UGGT2: variants seen among roughly 807,000 people sequenced by gnomAD.
The protein encoded by UGGT2 is UDP-glucose:glycoprotein glucosyltransferase 2.
In UGGT2, 180 loss-of-function variants were observed where a neutral mutation model predicts 192.1. The ratio of observed to expected loss-of-function variants is 0.94; its 90% CI spans 0.83 to 1.06. The LOEUF (loss-of-function observed/expected upper bound fraction) is 1.06. UGGT2 is among the 50% of genes least tolerant of loss of function. The pLI is 0.00. For missense variants in UGGT2, 1,849 were observed against 1,795.7 expected, an observed-to-expected ratio of 1.03 and a Z score of -0.54; for synonymous variants, 580 against 591.0, an observed-to-expected ratio of 0.98 and a Z score of 0.27.
intron 1 of UGGT2, among the ~76,000 whole-genome samples, chr13:96,035,084 T>C (rs1391186841): frequency 6.6e-6 from 1 of 152,070 alleles, no homozygotes; most frequent in Non-Finnish European, 1.5e-5. Context: ...TTAGAAAATA[T>C]GAAAAAGAGC....
At chr13:95,907,785 G>A (rs1466225400) in intron 20 of UGGT2, among the ~76,000 whole-genome samples, 1 of 152,168 alleles carries the variant, frequency 6.6e-6, no homozygotes, top group Non-Finnish European at 1.5e-5. Flanking sequence ...CCACAAAGAT[G>A]GGGAGAAAGT....
chr13:95,896,223 T>C (rs2047941149), intron 22 of UGGT2, among the ~76,000 whole-genome samples: 1 of 152,128 alleles, frequency 6.6e-6, no homozygotes, highest in Admixed American at 6.6e-5. Flanking sequence ...CTTCACCTGC[T>C]CCTACAGTTC....
At chr13:95,971,432 G>A (rs886090863) in intron 11 of UGGT2, among the ~76,000 whole-genome samples, 1 of 152,124 alleles carries the variant, frequency 6.6e-6, no homozygotes, top group Non-Finnish European at 1.5e-5. Context: ...AAATCAATGA[G>A]GAATAACAAT....
At chr13:95,904,887 G>A in intron 20 of UGGT2, among the ~76,000 whole-genome samples, 1 of 151,276 alleles carries the variant, frequency 6.6e-6, no homozygotes, top group Non-Finnish European at 1.5e-5. Context: ...TTCCACAATG[G>A]TTGAACTAGT....
chr13:95,833,132 A>T, intron 37 of UGGT2, 79 bp from the exon 38 acceptor site: 1 of 1,483,544 alleles, frequency 6.7e-7, no homozygotes, highest in Non-Finnish European at 9.1e-7. Flanking sequence ...ACTAGGGCAA[A>T]CAAAATACAT....
intron 37 of UGGT2, among the ~76,000 whole-genome samples, chr13:95,836,030 A>G (rs1887239771): frequency 6.6e-6 from 1 of 152,116 alleles, no homozygotes; most frequent in Non-Finnish European, 1.5e-5. Context: ...ATTTTCAGCT[A>G]GCTCTCAGCC....
intron 12 of UGGT2, among the ~76,000 whole-genome samples, chr13:95,957,950 A>G (rs1420718903): frequency 6.6e-6 from 1 of 152,242 alleles, no homozygotes; most frequent in African/African-American, 2.4e-5. Flanking sequence ...AGTAAAAGTA[A>G]AATCTAGCCA....
At chr13:96,052,645 G>A (rs902806640) in intron 1 of UGGT2, among the ~76,000 whole-genome samples, 1 of 152,068 alleles carries the variant, frequency 6.6e-6, no homozygotes, top group Non-Finnish European at 1.5e-5. Flanking sequence ...AATACTAAAG[G>A]GCAAAATGCA....
chr13:96,016,302 G>A (rs1362554224), intron 4 of UGGT2, among the ~76,000 whole-genome samples: 3 of 152,192 alleles, frequency 2.0e-5, no homozygotes, highest in African/African-American at 4.8e-5. Flanking sequence ...AGATTTGCAT[G>A]ACTAAAAGGG....
At chr13:95,849,763 G>A (rs931311100) in intron 36 of UGGT2, among the ~76,000 whole-genome samples, 2 of 151,446 alleles carry the variant, frequency 1.3e-5, no homozygotes, top group African/African-American at 4.8e-5. Flanking sequence ...GGTTTAGTGT[G>A]CAAATTATTT....
intron 38 of UGGT2, among the ~76,000 whole-genome samples, chr13:95,817,274 G>T (rs573330215): frequency 6.6e-6 from 1 of 152,236 alleles, no homozygotes; most frequent in East Asian, 1.9e-4. Context: ...TCAAAAGTTA[G>T]AAAAATTTAT....
intron 29 of UGGT2, among the ~76,000 whole-genome samples, chr13:95,868,806 G>A (rs4383020): frequency 6.6e-6 from 1 of 151,912 alleles, no homozygotes; most frequent in Non-Finnish European, 1.5e-5. Flanking sequence ...AGACAAATTC[G>A]AAAGCAAATC....
intron 38 of UGGT2, among the ~76,000 whole-genome samples, chr13:95,805,680 C>G (rs1274076217): frequency 1.3e-5 from 2 of 151,670 alleles, no homozygotes; most frequent in African/African-American, 2.4e-5. Context: ...CAGCCAGTCA[C>G]AAAAAAATAA....
chr13:95,919,054 C>T (rs1012731734), intron 20 of UGGT2, among the ~76,000 whole-genome samples: 50 of 152,134 alleles, frequency 3.3e-4, no homozygotes, highest in African/African-American at 1.1e-3. Flanking sequence ...CAGGATGCGA[C>T]GTTGGTTCAA....
chr13:96,018,698 G>C (rs1410722020), intron 4 of UGGT2, among the ~76,000 whole-genome samples: 1 of 149,822 alleles, frequency 6.7e-6, no homozygotes, highest in Non-Finnish European at 1.5e-5. Flanking sequence ...ATATCACATA[G>C]TAAAGAAAGG....
intron 20 of UGGT2, among the ~76,000 whole-genome samples, chr13:95,904,546 T>G (rs868595037): frequency 3.3e-5 from 5 of 149,704 alleles, no homozygotes; most frequent in African/African-American, 1.2e-4. Context: ...ATATGCGGTG[T>G]TTGGTTTTTT....
chr13:96,028,055 G>A (rs1177837766), intron 2 of UGGT2, among the ~76,000 whole-genome samples: 2 of 152,140 alleles, frequency 1.3e-5, no homozygotes, highest in East Asian at 3.9e-4. Flanking sequence ...TGTTCTCAGG[G>A]TTCTGCCACT....
Position 95,936,937 on chromosome 13 carries a change from C to T in UGGT2, c.1964G>A (p.Arg655Lys), listed in dbSNP as rs763934749. ...ATGCTTACCTACCAAAAAAACTTCT[C>T]TTTGTAAATATACAGATGCATCCAT... is the stretch of plus-strand genomic sequence containing the variant. Reference protein sequence around the residue: ...RMMDASVYLQREVFLGTLNDR... With the variant: ...RMMDASVYLQKEVFLGTLNDR... Residue 655 changes from arginine to lysine, a missense_variant, in exon 17 of 39, where the codon AGA (arginine) becomes AAA (lysine). Physicochemically the swap from Arg to Lys is conservative, Grantham distance 26. Coordinates refer to ENST00000376747, the MANE Select transcript of UGGT2 (RefSeq NM_020121.4). 3.9e-6 allele frequency: 6 copies of T among 1,532,694 alleles called. No individual in the cohort carries two copies. The highest frequency in any genetic ancestry group is 1.3e-5 in the South Asian group (1 of 75,126). The allele number at this position is 1,532,694 out of a possible 1,614,324, so 94.9% of individuals were successfully genotyped here.
intron 8 of UGGT2, among the ~76,000 whole-genome samples, chr13:95,988,144 T>A (rs777028042): frequency 6.6e-6 from 1 of 152,034 alleles, no homozygotes; most frequent in Non-Finnish European, 1.5e-5. Context: ...AATGTTTCCA[T>A]CTAGTTGCAA....
Sources: allele counts gnomAD v4.1 joint callset (sites outside exome capture counted in the v4.1 genomes callset), GRCh38; gene constraint gnomAD v4.1.1; transcripts MANE v1.5; gene names NCBI Gene and HGNC (gene_info 2026-07-23, HGNC 2026-07-21).